SH3BP1: variants seen among roughly 807,000 people sequenced by gnomAD.
SH3BP1 encodes SH3 domain binding protein 1.
In SH3BP1, 46 loss-of-function variants were observed where a neutral mutation model predicts 69.8. That is an observed-to-expected ratio of 0.66 (90% CI 0.52 to 0.84). SH3BP1 has a LOEUF of 0.84. Among genes scored for constraint, SH3BP1 ranks in the 40% least tolerant of loss-of-function variants. The pLI is 0.00. For synonymous variants in SH3BP1, 403 were observed against 378.0 expected (o/e 1.07, Z -0.77); for missense variants, 868 against 930.9 (o/e 0.93, Z 0.88).
chr22:37,646,047 GC>G (rs1932781083), intron 10 of SH3BP1, among the ~76,000 whole-genome samples: 1 of 141,514 alleles, frequency 7.1e-6, no homozygotes, highest in South Asian at 2.2e-4. Flanking sequence ...GCTCACTGCA[GC>G]CTCTGTCTCC....
intron 3 of SH3BP1, chr22:37,641,701 C>A: frequency 1.9e-6 from 1 of 532,046 alleles, no homozygotes. Flanking sequence ...TAAGCCAAGG[C>A]CAGGCTTCTG....
chr22:37,642,457 C>G, intron 3 of SH3BP1, 82 bp from the exon 4 acceptor site: 1 of 1,462,276 alleles, frequency 6.8e-7, no homozygotes, highest in Non-Finnish European at 9.5e-7. Flanking sequence ...TCCCTCCTCC[C>G]CTGCCCCAAG....
chr22:37,644,976 C>T lies in SH3BP1; in HGVS notation c.778+16C>T, dbSNP rs771660885. 3.5e-5 allele frequency: 56 copies of T among 1,609,252 alleles called. No individual in the cohort carries two copies. In the Admixed American group the frequency reaches 5.5e-4, roughly 16 times the overall value. On this transcript the variant is annotated intron_variant, in intron 9 of 17. Transcript: ENST00000649765. Reference sequence around the variant, plus strand: ...GGCCAAGCAGGTGGGGACATAGGCCCGGCGATACCACACCCCTGACCCTGC... The same window carrying T: ...GGCCAAGCAGGTGGGGACATAGGCCTGGCGATACCACACCCCTGACCCTGC...
In SH3BP1 at chr22:37,655,942, CG is replaced by C; in HGVS notation, c.*260del. 1 of 1,561,718 alleles carries C rather than the reference CG, an allele frequency of 6.4e-7. No individual in the cohort carries two copies. The highest frequency in any genetic ancestry group is 8.6e-7 in the Non-Finnish European group (1 of 1,157,600). ...CTCCGGCAGGTCCTAGGGGAGCCAC[CG>C]GAAGGAAGGAGAGGTTTGCCTGCTC... On this transcript the variant is annotated 3_prime_UTR_variant, in exon 18 of 18. Transcript: ENST00000649765.
rs537347995 is a variant in SH3BP1, at chr22:37,644,720, G to T, written c.687+15G>T. On this transcript the variant is annotated intron_variant, in intron 8 of 17. Coordinates refer to ENST00000649765, the MANE Select transcript of SH3BP1 (RefSeq NM_018957.6). The stretch of plus-strand genomic sequence containing the variant: ...ACTTCATTCGTGTGAGTCCAAGACC[G>T]GGCCCCAGCCATCCAGAGTTCAGGG... The T allele has an allele frequency of 1.2e-6, 2 of 1,613,996 alleles. No individual in the cohort carries two copies. The highest frequency in any genetic ancestry group is 1.7e-6 in the Non-Finnish European group (2 of 1,179,950).
rs768796121 is a variant in SH3BP1, at chr22:37,655,956, G to C, written c.*272G>C. The C allele has an allele frequency of 5.1e-6, 8 of 1,555,788 alleles. No homozygotes were observed. Among genetic ancestry groups the C allele is most frequent in the Non-Finnish European group, 5.2e-6 (6 of 1,153,350 alleles). ...AGGGGAGCCACCGGAAGGAAGGAGA[G>C]GTTTGCCTGCTCCTACGGGACTGAT... On this transcript the variant is annotated 3_prime_UTR_variant, in exon 18 of 18. Transcript: ENST00000649765.
chr22:37,654,089 G>A (rs560544725), intron 17 of SH3BP1, among the ~76,000 whole-genome samples: 100 of 152,300 alleles, frequency 6.6e-4, no homozygotes, highest in Non-Finnish European at 1.0e-3. Context: ...CTGTGTAATG[G>A]GACAGTGTCT....
chr22:37,655,354 G>A lies in SH3BP1; in HGVS notation c.1776G>A (p.Leu592=). 2 of 1,191,700 alleles carry A rather than the reference G, an allele frequency of 1.7e-6. No homozygotes were observed. Among genetic ancestry groups the A allele is most frequent in the Non-Finnish European group, 2.1e-6 (2 of 936,438 alleles). The allele number at this position is 1,191,700 out of a possible 1,614,324, so 73.8% of individuals were successfully genotyped here. A position where few individuals can be genotyped will look rare whatever the true frequency, so the allele number is the denominator to read the frequency against. The change falls in exon 18 of 18, where the codon TTG becomes TTA. Residue 592 remains leucine (L), a synonymous_variant. Coordinates refer to ENST00000649765, the MANE Select transcript of SH3BP1 (RefSeq NM_018957.6). ...GSRSSPPAPP[L]PPGSGSPGTP... ...GCTCCTCCCCTCCAGCCCCGCCCTT[G>A]CCCCCTGGCTCTGGCAGCCCTGGGA...
At chr22:37,648,200 T>C in intron 13 of SH3BP1, 119 bp from the exon 14 acceptor site, 1 of 708,266 alleles carries the variant, frequency 1.4e-6, no homozygotes, top group Non-Finnish European at 2.4e-6. Context: ...CTGATTTAAC[T>C]GTGACAATGT....
rs1236893696 is a variant in SH3BP1, at chr22:37,639,687, T to A, written c.-101T>A. The A allele has an allele frequency of 1.4e-6, 1 of 698,280 alleles. No homozygotes were observed. The highest frequency in any genetic ancestry group is 3.5e-5 in the East Asian group (1 of 28,812). 43.3% of individuals were successfully genotyped at this position (698,280 alleles called of 1,614,324 possible). On this transcript the variant is annotated 5_prime_UTR_variant, in exon 1 of 18. Coordinates refer to ENST00000649765, the MANE Select transcript of SH3BP1 (RefSeq NM_018957.6). ...AGGAAGCGAGAGCGCCGCCCACCCA[T>A]CCGGGGCAAGAGCCGCGCCGCAGGA...
At chr22:37,640,759 C>G in intron 1 of SH3BP1, 1 of 291,014 alleles carries the variant, frequency 3.4e-6, no homozygotes, top group Non-Finnish European at 6.6e-6. Flanking sequence ...GTTCTTGGGG[C>G]CAGCTAATAC....
intron 6 of SH3BP1, 83 bp downstream of exon 6, chr22:37,643,257 C>G (rs910827836): frequency 8.3e-7 from 1 of 1,208,648 alleles, no homozygotes; most frequent in African/African-American, 1.5e-5. Flanking sequence ...CTGGCCACAC[C>G]AGGAGGATGC....
At position 37,645,667 on chromosome 22, in the gene SH3BP1, TC is replaced by T. The variant is rs573904400; in HGVS notation, c.924+162del. Among the ~76,000 whole-genome samples the T allele has an allele frequency of 1.8e-3, 271 of 152,042 alleles. 1 individual carries two copies. The highest frequency in any genetic ancestry group is 6.2e-3 in the African/African-American group (259 of 41,458). Reference sequence around the variant, plus strand: ...TGCCTCCTGCGGCATCCACACTACCTCCCCCGTGTCAATGCTCGCGTGGGCC... The same window carrying T: ...TGCCTCCTGCGGCATCCACACTACCTCCCCGTGTCAATGCTCGCGTGGGCC... On this transcript the variant is annotated intron_variant, in intron 10 of 17. Transcript: ENST00000649765.
intron 5 of SH3BP1, 45 bp from the exon 6 acceptor site, chr22:37,643,053 C>T: frequency 1.2e-6 from 2 of 1,607,470 alleles, no homozygotes; most frequent in Non-Finnish European, 8.5e-7. Context: ...CAGCTTCTGG[C>T]TCCCTCCTCC....
intron 16 of SH3BP1, among the ~76,000 whole-genome samples, chr22:37,652,645 G>A (rs1932903129): frequency 6.6e-6 from 1 of 151,576 alleles, no homozygotes; most frequent in Admixed American, 6.6e-5. Context: ...CAAACATGGT[G>A]AAATCCCATC....
At position 37,645,514 on chromosome 22, in the gene SH3BP1, G is replaced by A; in HGVS notation, c.924+4G>A. 6.2e-7 allele frequency: 1 copy of A among 1,603,830 alleles called. No homozygotes were observed. Among genetic ancestry groups the A allele is most frequent in the African/African-American group, 1.3e-5 (1 of 74,886 alleles). ...TTCTGAGGGCATGAAGGAAGAGGTG[G>A]GGTCCCCTGGGGCAGGTGGGGAAGG... On this transcript the variant is annotated splice_donor_region_variant and intron_variant, in intron 10 of 17. Coordinates refer to ENST00000649765, the MANE Select transcript of SH3BP1 (RefSeq NM_018957.6).
chr22:37,643,518 C>G, intron 6 of SH3BP1, 126 bp from the exon 7 acceptor site: 1 of 1,357,062 alleles, frequency 7.4e-7, no homozygotes, highest in Non-Finnish European at 1.0e-6. Context: ...GAGGCCCCGG[C>G]CAGTGGAGCT....
chr22:37,645,513 G>A lies in SH3BP1; in HGVS notation c.924+3G>A, dbSNP rs1242004563. Reference sequence around the variant, plus strand: ...TTTCTGAGGGCATGAAGGAAGAGGTGGGGTCCCCTGGGGCAGGTGGGGAAG... The same window carrying A: ...TTTCTGAGGGCATGAAGGAAGAGGTAGGGTCCCCTGGGGCAGGTGGGGAAG... On this transcript the variant is annotated splice_donor_region_variant and intron_variant, in intron 10 of 17. Coordinates refer to ENST00000649765, the MANE Select transcript of SH3BP1 (RefSeq NM_018957.6). 1.9e-6 allele frequency: 3 copies of A among 1,603,636 alleles called. No homozygotes were observed. Among genetic ancestry groups the A allele is most frequent in the Non-Finnish European group, 1.7e-6 (2 of 1,172,086 alleles).
chr22:37,655,985 T>G lies in SH3BP1; in HGVS notation c.*301T>G, dbSNP rs752192984. Reference sequence around the variant, plus strand: ...TGCCTGCTCCTACGGGACTGATTCTTCTCTTGCCGACATGTTTTTTGTAAG... The same window carrying G: ...TGCCTGCTCCTACGGGACTGATTCTGCTCTTGCCGACATGTTTTTTGTAAG... On this transcript the variant is annotated 3_prime_UTR_variant, in exon 18 of 18. Transcript: ENST00000649765. 6.6e-7 allele frequency: 1 copy of G among 1,515,456 alleles called. No homozygotes were observed. Among genetic ancestry groups the G allele is most frequent in the Non-Finnish European group, 8.9e-7 (1 of 1,127,386 alleles). 93.9% of individuals were successfully genotyped at this position (1,515,456 alleles called of 1,614,324 possible).
Sources: allele counts gnomAD v4.1 joint callset (sites outside exome capture counted in the v4.1 genomes callset), GRCh38; gene constraint gnomAD v4.1.1; transcripts MANE v1.5; gene names NCBI Gene and HGNC (gene_info 2026-07-23, HGNC 2026-07-21).